CYP7B1: variants seen among roughly 807,000 people sequenced by gnomAD.
CYP7B1 encodes the protein cytochrome P450 7B1.
In CYP7B1, 29 loss-of-function variants were observed where a neutral mutation model predicts 42.7. The ratio of observed to expected loss-of-function variants is 0.68; its 90% CI spans 0.51 to 0.93. CYP7B1 has a LOEUF of 0.93. CYP7B1 is among the 40% of genes least tolerant of loss of function. The pLI is 0.00. For synonymous variants in CYP7B1, 235 were observed against 218.2 expected (o/e 1.08, Z -0.68); for missense variants, 655 against 600.5 (o/e 1.09, Z -0.95).
At chr8:64,721,438 G>T (rs1016029613) in intron 1 of CYP7B1, among the ~76,000 whole-genome samples, 1 of 151,758 alleles carries the variant, frequency 6.6e-6, no homozygotes, top group Non-Finnish European at 1.5e-5. Flanking sequence ...CATCATTTAG[G>T]GGTCTAAATA....
intron 1 of CYP7B1, among the ~76,000 whole-genome samples, chr8:64,728,322 C>G (rs1807352744): frequency 6.6e-6 from 1 of 152,178 alleles, no homozygotes; most frequent in Admixed American, 6.6e-5. Context: ...GGTAAAAGCA[C>G]ATTTTAGATC....
intron 1 of CYP7B1, among the ~76,000 whole-genome samples, chr8:64,751,793 A>C (rs968021107): frequency 5.3e-5 from 8 of 152,190 alleles, no homozygotes; most frequent in Non-Finnish European, 1.0e-4. Flanking sequence ...CTATTTACCC[A>C]GGATCATAAG....
intron 1 of CYP7B1, among the ~76,000 whole-genome samples, chr8:64,728,717 CAA>C (rs1460255731): frequency 1.3e-5 from 2 of 152,138 alleles, no homozygotes; most frequent in African/African-American, 4.8e-5. Context: ...AAGAAAAACT[CAA>C]GAGAATTATC....
intron 1 of CYP7B1, among the ~76,000 whole-genome samples, chr8:64,761,520 C>T (rs1039162275): frequency 1.3e-5 from 2 of 152,022 alleles, no homozygotes; most frequent in Admixed American, 6.6e-5. Flanking sequence ...AAAATGAACA[C>T]TCATTTCCTC....
chr8:64,768,029 G>C (rs1203451462), intron 1 of CYP7B1, among the ~76,000 whole-genome samples: 1 of 152,144 alleles, frequency 6.6e-6, no homozygotes, highest in Non-Finnish European at 1.5e-5. Flanking sequence ...GTTGAGAGGG[G>C]TGACTAAGTG....
intron 1 of CYP7B1, among the ~76,000 whole-genome samples, chr8:64,704,378 C>T (rs1188644193): frequency 6.6e-6 from 1 of 152,042 alleles, no homozygotes; most frequent in Non-Finnish European, 1.5e-5. Flanking sequence ...ACAGATATAT[C>T]TTAATCATCT....
At position 64,596,908 on chromosome 8, in the gene CYP7B1, T is replaced by C. The variant is rs749507432; in HGVS notation, c.1255A>G (p.Ile419Val). 2 of 1,611,896 alleles carry C rather than the reference T, an allele frequency of 1.2e-6. No individual in the cohort carries two copies. The highest frequency in any genetic ancestry group is 8.5e-7 in the Non-Finnish European group (1 of 1,178,260). Residue 419 changes from isoleucine (I) to valine (V), a missense_variant, in exon 6 of 6, where the codon ATA becomes GTA. By Grantham distance (29) the Ile-to-Val change is conservative. Coordinates refer to ENST00000310193, the MANE Select transcript of CYP7B1 (RefSeq NM_004820.5). ...APEEFRYDRF[I>V]EDGKKKTTFF... ...GTGGTTTTCTTCTTACCATCTTCTA[T>C]AAAACGATCATATCTAAACTCCTGT...
At position 64,721,836 on chromosome 8, in the gene CYP7B1, CAT is replaced by C. The variant is rs1201533418; in HGVS notation, c.122+76628_122+76629del. Among the ~76,000 whole-genome samples the C allele has an allele frequency of 4.6e-5, 7 of 151,818 alleles. No homozygotes were observed. The East Asian group carries it at 1.4e-3, about 29-fold the overall frequency. On this transcript the variant is annotated intron_variant, in intron 1 of 5. Coordinates refer to ENST00000310193, the MANE Select transcript of CYP7B1 (RefSeq NM_004820.5). ...ATTATGACACATATGATATAGATAACATTATCTACTGTAAATGTTTCATTTAT... is the reference window on the plus strand; with the variant it reads ...ATTATGACACATATGATATAGATAACTATCTACTGTAAATGTTTCATTTAT...
downstream of CYP7B1, among the ~76,000 whole-genome samples, chr8:64,590,000 A>G (rs1805013546): frequency 6.6e-6 from 1 of 152,248 alleles, no homozygotes; most frequent in Non-Finnish European, 1.5e-5. Flanking sequence ...TTTTCAAAAA[A>G]CACAGCACAG....
chr8:64,746,918 C>A (rs1807651689), intron 1 of CYP7B1, among the ~76,000 whole-genome samples: 1 of 151,602 alleles, frequency 6.6e-6, no homozygotes, highest in Admixed American at 6.6e-5. Context: ...ATTGTATATA[C>A]CCTCACTTTA....
intron 1 of CYP7B1, among the ~76,000 whole-genome samples, chr8:64,691,135 G>T (rs1220562583): frequency 1.3e-5 from 2 of 152,234 alleles, no homozygotes; most frequent in East Asian, 1.9e-4. Context: ...AACATCCAGA[G>T]CTTCTACAAA....
intron 1 of CYP7B1, among the ~76,000 whole-genome samples, chr8:64,673,327 C>G (rs923138870): frequency 3.3e-5 from 5 of 152,138 alleles, no homozygotes; most frequent in Non-Finnish European, 5.9e-5. Context: ...TGCCATGTCC[C>G]TGTTTGAACT....
At chr8:64,781,148 G>A (rs1349406885) in intron 1 of CYP7B1, among the ~76,000 whole-genome samples, 1 of 152,028 alleles carries the variant, frequency 6.6e-6, no homozygotes, top group Non-Finnish European at 1.5e-5. Flanking sequence ...AGTGGCAAAG[G>A]CACTGAGTAT....
At chr8:64,764,567 T>C (rs1349686069) in intron 1 of CYP7B1, among the ~76,000 whole-genome samples, 1 of 152,172 alleles carries the variant, frequency 6.6e-6, no homozygotes, top group African/African-American at 2.4e-5. Context: ...TACTACCTTG[T>C]TGTCAGTGTA....
rs1321504557 is a variant in CYP7B1, at chr8:64,782,995, A to G, written c.122+15471T>C. 3.3e-5 allele frequency among the ~76,000 whole-genome samples: 5 copies of G among 152,328 alleles called. No individual in the cohort carries two copies. The East Asian group carries it at 9.6e-4, about 29-fold the overall frequency. On this transcript the variant is annotated intron_variant, in intron 1 of 5. Coordinates refer to ENST00000310193, the MANE Select transcript of CYP7B1 (RefSeq NM_004820.5). ...TCTGGGCTTTATAAGGAAAAGCATA[A>G]CATGATGCACTAAGTGATTCTCTAT...
At chr8:64,679,508 G>T (rs780288730) in intron 1 of CYP7B1, among the ~76,000 whole-genome samples, 3 of 152,116 alleles carry the variant, frequency 2.0e-5, no homozygotes, top group Admixed American at 6.6e-5. Context: ...TCCTATCAGA[G>T]ACAGTTCCAT....
At chr8:64,697,640 G>A (rs183731353) in intron 1 of CYP7B1, among the ~76,000 whole-genome samples, 1 of 152,288 alleles carries the variant, frequency 6.6e-6, no homozygotes, top group East Asian at 1.9e-4. Context: ...TAGGAGATAC[G>A]CCACTGCTGC....
chr8:64,697,927 G>A lies in CYP7B1; in HGVS notation c.123-73388C>T, dbSNP rs114012472. On this transcript the variant is annotated intron_variant, in intron 1 of 5. Transcript: ENST00000310193. ...TTTAAATCCTGACCAAGAGAGACAA[G>A]ACAGGGCTCACATAGACCAGATATT... Among the ~76,000 whole-genome samples the A allele has an allele frequency of 5.1e-4, 78 of 152,294 alleles. 1 individual carries two copies. The highest frequency in any genetic ancestry group is 1.7e-3 in the African/African-American group (72 of 41,574).
intron 1 of CYP7B1, among the ~76,000 whole-genome samples, chr8:64,795,099 C>T (rs1184416307): frequency 6.6e-6 from 1 of 152,082 alleles, no homozygotes; most frequent in Non-Finnish European, 1.5e-5. Flanking sequence ...GCCCCTCAAT[C>T]TTCTCTCAAT....
Sources: allele counts gnomAD v4.1 joint callset (sites outside exome capture counted in the v4.1 genomes callset), GRCh38; gene constraint gnomAD v4.1.1; transcripts MANE v1.5; gene names NCBI Gene and HGNC (gene_info 2026-07-23, HGNC 2026-07-21).